The following GRM8 variants were observed in gnomAD, a reference collection of about 807,000 sequenced individuals.
The protein encoded by GRM8 is glutamate metabotropic receptor 8, also known as metabotropic glutamate receptor 8.
A neutral mutation model predicts 87.2 loss-of-function variants in GRM8; 47 were observed. The ratio of observed to expected loss-of-function variants is 0.54; its 90% CI spans 0.43 to 0.69. The LOEUF (loss-of-function observed/expected upper bound fraction) is 0.69. Among genes scored for constraint, GRM8 ranks in the 30% least tolerant of loss-of-function variants. GRM8 has a pLI of 0.00. For synonymous variants in GRM8, 396 were observed against 404.5 expected (o/e 0.98, Z 0.25); for missense variants, 1,019 against 1,139.2 (o/e 0.89, Z 1.52).
intron 3 of GRM8, among the ~76,000 whole-genome samples, chr7:126,905,953 T>C (rs1257865671): frequency 1.3e-5 from 2 of 152,202 alleles, no homozygotes; most frequent in Non-Finnish European, 2.9e-5. Flanking sequence ...GGGTTTGAAG[T>C]TGGAAACAAT....
At chr7:127,067,453 TA>T (rs773408970) in intron 3 of GRM8, among the ~76,000 whole-genome samples, 58 of 152,220 alleles carry the variant, frequency 3.8e-4, no homozygotes, top group Admixed American at 2.4e-3. Flanking sequence ...TTAAAATTCT[TA>T]AAGGAGACTT....
chr7:127,166,974 T>C (rs182280891), intron 2 of GRM8, among the ~76,000 whole-genome samples: 3 of 152,144 alleles, frequency 2.0e-5, no homozygotes, highest in African/African-American at 7.2e-5. Flanking sequence ...GTGTTTGGAT[T>C]AAAAATTATG....
intron 9 of GRM8, among the ~76,000 whole-genome samples, chr7:126,474,521 C>T (rs1056532750): frequency 2.0e-5 from 3 of 152,222 alleles, no homozygotes; most frequent in Admixed American, 6.5e-5. Flanking sequence ...TGCCTGGGAT[C>T]CCAAAGAGCT....
At chr7:126,912,797 T>C (rs1803457109) in intron 3 of GRM8, among the ~76,000 whole-genome samples, 1 of 152,198 alleles carries the variant, frequency 6.6e-6, no homozygotes, top group South Asian at 2.1e-4. Flanking sequence ...GAAGATATCA[T>C]TTTTCTGAAA....
chr7:126,597,280 TCTTG>T (rs1797301514), intron 8 of GRM8, among the ~76,000 whole-genome samples: 1 of 152,202 alleles, frequency 6.6e-6, no homozygotes, highest in African/African-American at 2.4e-5. Context: ...TTTTCTTTTG[TCTTG>T]CTTTTATAAA....
chr7:126,571,190 G>T (rs181782512), intron 8 of GRM8, among the ~76,000 whole-genome samples: 16 of 152,166 alleles, frequency 1.1e-4, no homozygotes, highest in African/African-American at 3.6e-4. Flanking sequence ...ACTAATACAA[G>T]AAATTTTTAA....
intron 9 of GRM8, among the ~76,000 whole-genome samples, chr7:126,460,039 G>C (rs1031860663): frequency 6.6e-6 from 1 of 151,444 alleles, no homozygotes; most frequent in Non-Finnish European, 1.5e-5. Context: ...GATGTTCCTG[G>C]GTATAAGAAA....
At chr7:126,983,441 T>C (rs1210729959) in intron 3 of GRM8, among the ~76,000 whole-genome samples, 1 of 152,040 alleles carries the variant, frequency 6.6e-6, no homozygotes, top group Non-Finnish European at 1.5e-5. Context: ...GCTTTTCCCA[T>C]AGCCAGGATA....
chr7:127,197,514 C>A (rs540238365), intron 2 of GRM8, among the ~76,000 whole-genome samples: 3 of 151,574 alleles, frequency 2.0e-5, no homozygotes, highest in African/African-American at 4.9e-5. Flanking sequence ...TTCATTGATT[C>A]GTATGTATAT....
At position 126,647,302 on chromosome 7, in the gene GRM8, GATA is replaced by G. The variant is rs1803230932; in HGVS notation, c.1358-37807_1358-37805del. On this transcript the variant is annotated intron_variant, in intron 7 of 10. Transcript: ENST00000339582. Reference sequence around the variant, plus strand: ...CTCTACATAAATAGATGGATAGATAGATAGATAGATAGATAGATAGATAGATAG... The same window carrying G: ...CTCTACATAAATAGATGGATAGATAGGATAGATAGATAGATAGATAGATAG... 4.0e-3 allele frequency among the ~76,000 whole-genome samples: 182 copies of G among 45,714 alleles called. 2 individuals are homozygous for G. The highest frequency in any genetic ancestry group is 0.017 in the African/African-American group (177 of 10,630). The allele number at this position is 45,714 out of a possible 152,430, so 30.0% of individuals were successfully genotyped here.
At chr7:127,018,630 G>T (rs548454468) in intron 3 of GRM8, among the ~76,000 whole-genome samples, 1 of 152,066 alleles carries the variant, frequency 6.6e-6, no homozygotes, top group East Asian at 1.9e-4. Flanking sequence ...GGCCTGCCTT[G>T]TAGCTAGGGG....
At chr7:127,064,123 T>A (rs1464400004) in intron 3 of GRM8, among the ~76,000 whole-genome samples, 1 of 152,234 alleles carries the variant, frequency 6.6e-6, no homozygotes, top group Admixed American at 6.5e-5. Flanking sequence ...GAAAGTTCTG[T>A]GAAGGTCTAT....
chr7:126,531,328 C>G (rs1241215722), intron 9 of GRM8, among the ~76,000 whole-genome samples: 1 of 152,140 alleles, frequency 6.6e-6, no homozygotes, highest in Non-Finnish European at 1.5e-5. Flanking sequence ...CAAAATGAAT[C>G]CATTAACATA....
chr7:126,949,516 T>A (rs1367034480), intron 3 of GRM8, among the ~76,000 whole-genome samples: 1 of 152,238 alleles, frequency 6.6e-6, no homozygotes, highest in African/African-American at 2.4e-5. Flanking sequence ...ATTACAGGTT[T>A]ATTTTTCATA....
intron 7 of GRM8, among the ~76,000 whole-genome samples, chr7:126,644,241 A>G (rs1802793915): frequency 6.6e-6 from 1 of 152,210 alleles, no homozygotes; most frequent in African/African-American, 2.4e-5. Flanking sequence ...TAAAGTTTGA[A>G]TCATAAATGC....
chr7:126,453,795 T>C (rs1802915033), intron 9 of GRM8, among the ~76,000 whole-genome samples: 1 of 151,842 alleles, frequency 6.6e-6, no homozygotes, highest in Non-Finnish European at 1.5e-5. Flanking sequence ...AATTTTCAAT[T>C]ATTATATATG....
chr7:126,769,774 T>G (rs1818620474), intron 7 of GRM8, 91 bp downstream of exon 7: 1 of 790,800 alleles, frequency 1.3e-6, no homozygotes, highest in African/African-American at 1.7e-5. Context: ...ATCCTGTGTT[T>G]TCCACTCTGC....
chr7:126,488,675 T>G (rs901255197), intron 9 of GRM8, among the ~76,000 whole-genome samples: 1 of 152,020 alleles, frequency 6.6e-6, no homozygotes, highest in East Asian at 1.9e-4. Flanking sequence ...TTCTATACTA[T>G]TGGATATGTA....
At chr7:126,591,885 G>A (rs1796704388) in intron 8 of GRM8, among the ~76,000 whole-genome samples, 1 of 151,518 alleles carries the variant, frequency 6.6e-6, no homozygotes, top group Admixed American at 6.6e-5. Flanking sequence ...AACTTAAAGA[G>A]ACACAGATAA....
Sources: allele counts gnomAD v4.1 joint callset (sites outside exome capture counted in the v4.1 genomes callset), GRCh38; gene constraint gnomAD v4.1.1; transcripts MANE v1.5; gene names NCBI Gene and HGNC (gene_info 2026-07-23, HGNC 2026-07-21).